The following COL4A2 variants were observed in gnomAD, a reference collection of about 807,000 sequenced individuals.
COL4A2 encodes the protein collagen type IV alpha 2 chain, also known as collagen alpha-2(IV) chain.
In COL4A2, 99 loss-of-function variants were observed where a neutral mutation model predicts 200.2. That is an observed-to-expected ratio of 0.49 (90% CI 0.42 to 0.58). The LOEUF is 0.58. Among genes scored for constraint, COL4A2 ranks in the 20% least tolerant of loss-of-function variants. The pLI, the probability that COL4A2 is intolerant of heterozygous loss-of-function variation, is 0.00. For synonymous variants in COL4A2, 897 were observed against 900.6 expected (o/e 1.00, Z 0.07); for missense variants, 1,950 against 2,314.1 (o/e 0.84, Z 3.23).
At chr13:110,384,097 C>G (rs1463548430) in intron 4 of COL4A2, among the ~76,000 whole-genome samples, 1 of 152,174 alleles carries the variant, frequency 6.6e-6, no homozygotes, top group East Asian at 1.9e-4. Context: ...GAAATATGAT[C>G]AAAAGAGTGG....
chr13:110,326,731 C>T (rs1885424867), intron 3 of COL4A2, among the ~76,000 whole-genome samples: 1 of 152,150 alleles, frequency 6.6e-6, no homozygotes, highest in South Asian at 2.1e-4. Context: ...TGGGAGGTGC[C>T]CAGTGGAACC....
In COL4A2 at chr13:110,384,383, A is replaced by G. The variant is rs1044274917; in HGVS notation, c.180+26831A>G. Among the ~76,000 whole-genome samples the G allele has an allele frequency of 3.3e-5, 5 of 152,200 alleles. No individual in the cohort carries two copies. In the East Asian group the frequency reaches 5.8e-4, roughly 18 times the overall value. The stretch of plus-strand genomic sequence containing the variant: ...AAACCCTCCTTAAGTATCCAATTCT[A>G]TGATTCGGTGTGAAGCATTATCACA... On this transcript the variant is annotated intron_variant, in intron 4 of 47. Transcript: ENST00000360467.
At chr13:110,324,687 G>A (rs555459825) in intron 3 of COL4A2, among the ~76,000 whole-genome samples, 1 of 152,334 alleles carries the variant, frequency 6.6e-6, no homozygotes, top group Admixed American at 6.5e-5. Flanking sequence ...GCCACAGTGA[G>A]CAGCAGGTCC....
chr13:110,482,287 G>T (rs1882961483), intron 31 of COL4A2, among the ~76,000 whole-genome samples: 1 of 152,138 alleles, frequency 6.6e-6, no homozygotes, highest in Non-Finnish European at 1.5e-5. Flanking sequence ...GTGTTTCCTT[G>T]TTGCCAATGT....
chr13:110,440,872 T>G (rs962887203), intron 16 of COL4A2, among the ~76,000 whole-genome samples: 2 of 152,156 alleles, frequency 1.3e-5, no homozygotes, highest in African/African-American at 4.8e-5. Context: ...TAGCTTCACA[T>G]GCATGTAACG....
intron 20 of COL4A2, among the ~76,000 whole-genome samples, chr13:110,453,696 T>C (rs1240110019): frequency 2.0e-5 from 3 of 152,222 alleles, no homozygotes; most frequent in African/African-American, 4.8e-5. Context: ...ATCTGTAGTG[T>C]GGGCTGATGA....
In COL4A2 at chr13:110,453,433, G is replaced by A. The variant is rs961949510; in HGVS notation, c.1339+2979G>A. ...GGAGAATCACTTGAATCCGGGAGGC[G>A]GAGGTTGCAGTGAGCCAAGACCGCA... On this transcript the variant is annotated intron_variant, in intron 20 of 47. Coordinates refer to ENST00000360467, the MANE Select transcript of COL4A2 (RefSeq NM_001846.4). Among the ~76,000 whole-genome samples the A allele has an allele frequency of 4.6e-5, 7 of 152,004 alleles. No homozygotes were observed. In the East Asian group the frequency reaches 5.8e-4, roughly 13 times the overall value.
intron 47 of COL4A2, among the ~76,000 whole-genome samples, chr13:110,511,613 G>A (rs1382257823): frequency 6.6e-6 from 1 of 152,200 alleles, no homozygotes. Context: ...TTACTGAAAT[G>A]CAGTGGATTA....
In COL4A2 at chr13:110,508,327, C is replaced by T. The variant is rs527297409; in HGVS notation, c.4881+106C>T. On this transcript the variant is annotated intron_variant, in intron 47 of 47. Coordinates refer to ENST00000360467, the MANE Select transcript of COL4A2 (RefSeq NM_001846.4). This position sits in a 1 kb window ranked among gnomAD's most constrained non-coding sequence, Gnocchi z 6.1. ...ATCAGACACGGCAGTCCAGGGTGTG[C>T]ACTGCACAAGGGTAGTTGGCCCAGG... 31 of 1,531,312 alleles carry T rather than the reference C, an allele frequency of 2.0e-5. No individual in the cohort carries two copies. In the East Asian group the frequency reaches 7.0e-4, roughly 35 times the overall value. The allele number at this position is 1,531,312 out of a possible 1,614,324, so 94.9% of individuals were successfully genotyped here. A position where few individuals can be genotyped will look rare whatever the true frequency, so the allele number is the denominator to read the frequency against.
intron 18 of COL4A2, among the ~76,000 whole-genome samples, chr13:110,447,978 A>G (rs571541161): frequency 1.0e-3 from 152 of 152,316 alleles, no homozygotes; most frequent in African/African-American, 3.5e-3. Context: ...GAACAGGGCC[A>G]TGGGCAGTGC....
intron 3 of COL4A2, among the ~76,000 whole-genome samples, chr13:110,353,357 G>A (rs117331874): frequency 7.9e-5 from 12 of 152,154 alleles, no homozygotes; most frequent in African/African-American, 2.4e-5. Flanking sequence ...ATAGGATCGC[G>A]GCTTGTCTTT....
chr13:110,348,707 T>C (rs1161300636), intron 3 of COL4A2, among the ~76,000 whole-genome samples: 1 of 152,180 alleles, frequency 6.6e-6, no homozygotes, highest in South Asian at 2.1e-4. Context: ...AAAAGGATGA[T>C]AACTTTTTAA....
At chr13:110,409,392 G>A (rs559092613) in intron 4 of COL4A2, among the ~76,000 whole-genome samples, 8 of 152,334 alleles carry the variant, frequency 5.3e-5, no homozygotes, top group Admixed American at 5.2e-4. Flanking sequence ...CGGGTCTCTA[G>A]TTTCCCTCTC....
chr13:110,437,940 G>T, intron 13 of COL4A2, 62 bp from the exon 14 acceptor site: 1 of 1,338,180 alleles, frequency 7.5e-7, no homozygotes, highest in South Asian at 1.2e-5. Flanking sequence ...AACCCTGATT[G>T]ATTTTTACCC....
At chr13:110,314,415 T>G (rs1885078741) in intron 3 of COL4A2, among the ~76,000 whole-genome samples, 4 of 152,214 alleles carry the variant, frequency 2.6e-5, no homozygotes, top group Admixed American at 6.5e-5. Context: ...CATTCTTTTC[T>G]CTCATAGAGT....
chr13:110,391,914 A>T (rs1459639136), intron 4 of COL4A2, among the ~76,000 whole-genome samples: 1 of 152,110 alleles, frequency 6.6e-6, no homozygotes, highest in Non-Finnish European at 1.5e-5. Context: ...CTGGATATTT[A>T]CCCAGGTTTC....
chr13:110,474,680 C>CAT lies in COL4A2; in HGVS notation c.2425+1531_2425+1532insTA, dbSNP rs1261852418. Among the ~76,000 whole-genome samples, 3 of 145,248 alleles carry CAT rather than the reference C, an allele frequency of 2.1e-5. 1 individual carries two copies. The highest frequency in any genetic ancestry group is 4.6e-5 in the Non-Finnish European group (3 of 65,848). On this transcript the variant is annotated intron_variant, in intron 29 of 47. Coordinates refer to ENST00000360467, the MANE Select transcript of COL4A2 (RefSeq NM_001846.4). The stretch of plus-strand genomic sequence containing the variant: ...CTCACACATGATCACACTCCTTACA[C>CAT]ACGTACCCACACACGTGCCTGTGTA...
At position 110,485,414 on chromosome 13, in the gene COL4A2, T is replaced by G. The variant is rs540860571; in HGVS notation, c.3026-241T>G. On this transcript the variant is annotated intron_variant, in intron 33 of 47. Transcript: ENST00000360467. ...GGTGGGCGCCTGTAGTCCCAACTAC[T>G]TAGGAGGCTGAGGCAGGAGAATGGC... 5.2e-4 allele frequency among the ~76,000 whole-genome samples: 78 copies of G among 150,712 alleles called. 1 individual carries two copies. Among genetic ancestry groups the G allele is most frequent in the Middle Eastern group, 3.4e-3 (1 of 290 alleles).
intron 6 of COL4A2, 36 bp from the exon 7 acceptor site, chr13:110,428,431 C>A: frequency 8.0e-7 from 1 of 1,255,496 alleles, no homozygotes; most frequent in Non-Finnish European, 1.1e-6. Context: ...TAGAAGCCTG[C>A]TGGTTGGCTG....
Sources: gnomAD v4.1 joint callset for allele counts (sites outside exome capture counted in the v4.1 genomes callset) on GRCh38, gnomAD v4.1.1 for gene constraint, Gnocchi (gnomAD v3.1) non-coding constraint, MANE v1.5 for transcripts, NCBI Gene and HGNC (gene_info 2026-07-23, HGNC 2026-07-21) for gene names.